The following ANTXRL variants were observed in gnomAD, a reference collection of about 807,000 sequenced individuals.
ANTXRL encodes the protein ANTXR like, also known as anthrax toxin receptor-like.
ANTXRL carries 63 observed loss-of-function variants against 75.4 expected under a neutral mutation model. That is an observed-to-expected ratio of 0.84 (90% confidence interval 0.68 to 1.03). ANTXRL has a LOEUF of 1.03. Among genes scored for constraint, ANTXRL ranks in the 50% least tolerant of loss-of-function variants. The pLI is 0.00. For missense variants in ANTXRL, 797 were observed against 789.4 expected, an observed-to-expected ratio of 1.01 and a Z score of -0.12; for synonymous variants, 335 against 291.3, an observed-to-expected ratio of 1.15 and a Z score of -1.53.
chr10:46,295,497 A>AGAGGAGTTAGAGTTAGAG (rs144581574), intron 3 of ANTXRL, among the ~76,000 whole-genome samples: 4 of 62,634 alleles, frequency 6.4e-5, no homozygotes, highest in African/African-American at 1.4e-4. Flanking sequence ...AGTTAGAGTT[A>AGAGGAGTTAGAGTTAGAG]GAGTTAGAGT....
intron 7 of ANTXRL, 73 bp downstream of exon 7, chr10:46,297,547 C>G: frequency 2.7e-6 from 4 of 1,461,014 alleles, no homozygotes; most frequent in Non-Finnish European, 3.7e-6. Flanking sequence ...TCCCGGGCCA[C>G]CCCAAGGACG....
intron 16 of ANTXRL, among the ~76,000 whole-genome samples, chr10:46,323,262 T>C (rs553619386): frequency 6.6e-6 from 1 of 152,274 alleles, no homozygotes; most frequent in South Asian, 2.1e-4. Context: ...TATTTTCTTT[T>C]GAGTTTTTGG....
Position 46,307,438 on chromosome 10 carries a change from A to G in ANTXRL, c.1002A>G (p.Lys334=). ...YSIEVSLNKG[K]TFFKSNVSIT... is the part of the protein sequence containing the mutation. ...TTGAAGTCAGCTTGAACAAAGGCAA[A>G]ACATTCTTCAAGAGCAATGTCAGCA... The change falls in exon 12 of 17, where the codon AAA becomes AAG. Residue 334 remains lysine (K), a synonymous_variant. Transcript: ENST00000620264. 2.6e-6 allele frequency: 4 copies of G among 1,536,310 alleles called. No individual in the cohort carries two copies. In the South Asian group the frequency reaches 3.6e-5, roughly 14 times the overall value.
chr10:46,329,960 G>T lies in ANTXRL; in HGVS notation c.1772G>T (p.Arg591Met). 6.5e-7 allele frequency: 1 copy of T among 1,534,632 alleles called. No homozygotes were observed. Among genetic ancestry groups the T allele is most frequent in the Non-Finnish European group, 8.7e-7 (1 of 1,146,460 alleles). The change falls in exon 17 of 17, where the codon AGG becomes ATG. Residue 591 changes from arginine (R) to methionine (M), a missense_variant. Physicochemically the swap from Arg to Met is moderately conservative, Grantham distance 91. This residue lies in a region of ANTXRL where 479 missense variants were observed against 422.0 expected (regional missense o/e 1.14). Transcript: ENST00000620264. ...RECLPLTCSSRCRLPPARCLR... is the reference protein window; with the variant it reads ...RECLPLTCSSMCRLPPARCLR... ...TGCCTCCCCCTCACCTGCTCCTCCAGGTGCCGCCTCCCCCCAGCTAGGTGC... is the reference window on the plus strand; with the variant it reads ...TGCCTCCCCCTCACCTGCTCCTCCATGTGCCGCCTCCCCCCAGCTAGGTGC...
At position 46,293,390 on chromosome 10, in the gene ANTXRL, C is replaced by CTG. The variant is rs782030653; in HGVS notation, c.321-430_321-429dup. 1.9e-3 allele frequency among the ~76,000 whole-genome samples: 195 copies of CTG among 101,482 alleles called. 1 individual carries two copies. The highest frequency in any genetic ancestry group is 2.8e-3 in the Non-Finnish European group (138 of 49,050). 66.6% of individuals were successfully genotyped at this position (101,482 alleles called of 152,430 possible). A position where few individuals can be genotyped will look rare whatever the true frequency, so the allele number is the denominator to read the frequency against. On this transcript the variant is annotated intron_variant, in intron 2 of 16. Transcript: ENST00000620264. ...AGTGTGCCTGTGTGTGAGTGTGTGC[C>CTG]TGTGTGTGTGAGTGTGTGCCTGTGT...
intron 13 of ANTXRL, 127 bp downstream of exon 13, chr10:46,309,329 G>A (rs61845227): frequency 0.26 from 382,562 of 1,479,532 alleles, 50,317 homozygotes; most frequent in Admixed American, 0.3. Flanking sequence ...AGCTCATCAC[G>A]TGAGCCCAGG....
chr10:46,313,285 T>A lies in ANTXRL; in HGVS notation c.1379T>A (p.Val460Glu). The change falls in exon 16 of 17, where the codon GTG becomes GAG. Residue 460 changes from valine to glutamate, a missense_variant. By Grantham distance (121) the Val-to-Glu change is moderately radical (BLOSUM62 -2). Around this residue, in one of 3 missense-constraint regions of ANTXRL, gnomAD observed 479 missense variants for 422.0 expected, o/e 1.14. Transcript: ENST00000620264. ...CTCTCTCACGCAAGCTGCCACCAGG[T>A]GCCATGGATGTGTTGTCAGAGCAGG... The part of the protein sequence containing the change: ...CDLSHASCHQ[V>E]PWMCCQSRDQ... 1 of 1,535,872 alleles carries A rather than the reference T, an allele frequency of 6.5e-7. No individual in the cohort carries two copies. Among genetic ancestry groups the A allele is most frequent in the Non-Finnish European group, 8.7e-7 (1 of 1,146,740 alleles).
chr10:46,306,027 C>T (rs1348154349), intron 10 of ANTXRL, among the ~76,000 whole-genome samples: 3 of 152,116 alleles, frequency 2.0e-5, no homozygotes, highest in African/African-American at 7.2e-5. Flanking sequence ...ACCCCAACCC[C>T]TTTCCAGGGC....
At chr10:46,318,327 G>A (rs1554965011) in intron 16 of ANTXRL, among the ~76,000 whole-genome samples, 2 of 152,020 alleles carry the variant, frequency 1.3e-5, no homozygotes, top group African/African-American at 2.4e-5. Context: ...CAAATATGCT[G>A]ACCCATGATG....
intron 4 of ANTXRL, 24 bp from the exon 5 acceptor site, chr10:46,296,195 C>G (rs1317423049): frequency 3.9e-6 from 6 of 1,535,686 alleles, no homozygotes; most frequent in Non-Finnish European, 4.4e-6. Flanking sequence ...TGTCCAGGCT[C>G]AATATTTCTT....
At chr10:46,311,429 A>T in intron 14 of ANTXRL, 81 bp from the exon 15 acceptor site, 1 of 1,414,680 alleles carries the variant, frequency 7.1e-7, no homozygotes, top group Non-Finnish European at 9.2e-7. Context: ...TGGTCCTTTC[A>T]TTCCCCAGAC....
intron 14 of ANTXRL, among the ~76,000 whole-genome samples, chr10:46,310,838 G>A (rs1316962565): frequency 2.6e-5 from 4 of 152,118 alleles, no homozygotes; most frequent in Non-Finnish European, 4.4e-5. Context: ...AAGGAGCCCC[G>A]TGTTTCAGGG....
At chr10:46,311,428 C>T in intron 14 of ANTXRL, 82 bp from the exon 15 acceptor site, 1 of 1,415,030 alleles carries the variant, frequency 7.1e-7, no homozygotes, top group African/African-American at 1.5e-5. Flanking sequence ...CTGGTCCTTT[C>T]ATTCCCCAGA....
At chr10:46,309,008 CG>C in intron 12 of ANTXRL, 104 bp from the exon 13 acceptor site, 2 of 1,471,100 alleles carry the variant, frequency 1.4e-6, no homozygotes, top group East Asian at 2.5e-5. Context: ...TACCCGGATG[CG>C]GGGCCAGCTA....
chr10:46,290,802 G>C (rs1236822284), intron 1 of ANTXRL, among the ~76,000 whole-genome samples: 1 of 151,770 alleles, frequency 6.6e-6, no homozygotes, highest in Non-Finnish European at 1.5e-5. Flanking sequence ...CTTTTTCGTT[G>C]TTGTTGTAGG....
intron 5 of ANTXRL, 148 bp from the exon 6 acceptor site, chr10:46,297,104 C>A (rs1477152930): frequency 2.5e-5 from 17 of 668,368 alleles, no homozygotes; most frequent in Admixed American, 8.3e-5. Flanking sequence ...GTCTTGGCAG[C>A]CTCTCCTCTG....
chr10:46,310,508 C>T lies in ANTXRL; in HGVS notation c.1173+9C>T. The stretch of plus-strand genomic sequence containing the variant: ...TGCAGAAGCCAGAAAAGGTAAGTTG[C>T]AGTTCTGGTCCCGATATTGTCACAT... On this transcript the variant is annotated intron_variant, in intron 14 of 16. Transcript: ENST00000620264. The T allele has an allele frequency of 6.5e-7, 1 of 1,536,088 alleles. No individual in the cohort carries two copies. Among genetic ancestry groups the T allele is most frequent in the Non-Finnish European group, 8.7e-7 (1 of 1,146,608 alleles).
intron 14 of ANTXRL, among the ~76,000 whole-genome samples, chr10:46,311,037 G>A (rs1192410765): frequency 6.6e-6 from 1 of 152,100 alleles, no homozygotes; most frequent in Non-Finnish European, 1.5e-5. Context: ...GGGGCCAGGA[G>A]TCCGGGAACA....
At chr10:46,320,535 C>T (rs1035328597) in intron 16 of ANTXRL, among the ~76,000 whole-genome samples, 1 of 152,086 alleles carries the variant, frequency 6.6e-6, no homozygotes, top group East Asian at 1.9e-4. Context: ...AGTTTGAGAC[C>T]AGCCTGGCCA....
Sources: allele counts gnomAD v4.1 joint callset (sites outside exome capture counted in the v4.1 genomes callset), GRCh38; gene constraint gnomAD v4.1.1; regional missense constraint gnomAD v4.1.1; transcripts MANE v1.5; gene names NCBI Gene and HGNC (gene_info 2026-07-23, HGNC 2026-07-21).